Variants in SLC5A4 observed in about 807,000 individuals in gnomAD.
SLC5A4 encodes the protein probable glucose sensor protein SLC5A4.
Under a neutral mutation model 70.3 loss-of-function variants are expected in SLC5A4, and 55 were observed. The observed-to-expected ratio is 0.78, with a 90% CI of 0.63 to 0.98. SLC5A4 has a LOEUF of 0.98. Among genes scored for constraint, SLC5A4 ranks in the 50% least tolerant of loss-of-function variants. SLC5A4 has a pLI of 0.00. For synonymous variants in SLC5A4, 268 were observed against 305.7 expected (o/e 0.88, Z 1.29); for missense variants, 735 against 839.2 (o/e 0.88, Z 1.53).
intron 11 of SLC5A4, among the ~76,000 whole-genome samples, chr22:32,228,307 G>A (rs558573061): frequency 1.1e-4 from 16 of 149,886 alleles, no homozygotes; most frequent in African/African-American, 3.8e-4. Context: ...TTGGGAGGCC[G>A]AGGAGAATGG....
the SLC5A4 span, among the ~76,000 whole-genome samples, chr22:32,342,332 A>T: frequency 6.6e-6 from 1 of 152,212 alleles, no homozygotes; most frequent in East Asian, 1.9e-4. Flanking sequence ...AACCACACAG[A>T]ATAAAATCTG....
At chr22:32,272,228 T>C in the SLC5A4 span, 1 of 776,300 alleles carries the variant, frequency 1.3e-6, no homozygotes, top group Non-Finnish European at 2.4e-6. Flanking sequence ...TGATCATGGA[T>C]GTGACTGAGG....
chr22:32,291,857 T>C, the SLC5A4 span, among the ~76,000 whole-genome samples: 3 of 142,472 alleles, frequency 2.1e-5, no homozygotes, highest in African/African-American at 7.7e-5. Flanking sequence ...TGTATATATA[T>C]AATTTATTTT....
In SLC5A4 at chr22:32,240,388, T is replaced by A. The variant is rs187700835; in HGVS notation, c.478-1298A>T. On this transcript the variant is annotated intron_variant, in intron 5 of 14. Coordinates refer to ENST00000266086, the MANE Select transcript of SLC5A4 (RefSeq NM_014227.3). ...ATCTACACTGTTTGGCTCAGCATAA[T>A]TAACATGAATAATTCAGGACAATTT... Among the ~76,000 whole-genome samples the A allele has an allele frequency of 1.1e-4, 17 of 152,282 alleles. No homozygotes were observed. The East Asian group carries it at 2.3e-3, about 21-fold the overall frequency.
At chr22:32,308,970 AC>A in the SLC5A4 span, among the ~76,000 whole-genome samples, 1 of 151,838 alleles carries the variant, frequency 6.6e-6, no homozygotes, top group South Asian at 2.1e-4. Flanking sequence ...AGACAGTCTC[AC>A]TCTGTCGCCC....
the SLC5A4 span, among the ~76,000 whole-genome samples, chr22:32,306,114 C>G: frequency 6.6e-6 from 1 of 152,140 alleles, no homozygotes; most frequent in Non-Finnish European, 1.5e-5. Flanking sequence ...AAACGTCAAT[C>G]TAGGGAACAG....
the SLC5A4 span, among the ~76,000 whole-genome samples, chr22:32,344,542 T>A: frequency 6.6e-6 from 1 of 152,228 alleles, no homozygotes; most frequent in Non-Finnish European, 1.5e-5. Context: ...ATGCTTTCAA[T>A]ATTAAATCCA....
the SLC5A4 span, among the ~76,000 whole-genome samples, chr22:32,307,800 C>T: frequency 3.3e-5 from 5 of 152,312 alleles, no homozygotes; most frequent in African/African-American, 1.2e-4. Context: ...TCCTGGACTG[C>T]AAAGGGCAGT....
At chr22:32,257,218 T>G (rs547080855), upstream of SLC5A4, among the ~76,000 whole-genome samples, 2 of 152,354 alleles carry the variant, frequency 1.3e-5, no homozygotes, top group South Asian at 4.1e-4. Context: ...TGGAGAGAGA[T>G]ATATTCAACT....
At chr22:32,257,913 T>C (rs968533602), upstream of SLC5A4, among the ~76,000 whole-genome samples, 9 of 150,644 alleles carry the variant, frequency 6.0e-5, no homozygotes, top group Admixed American at 6.6e-5. Flanking sequence ...CAGGTAATTC[T>C]CCCGCCTTGG....
the SLC5A4 span, among the ~76,000 whole-genome samples, chr22:32,281,261 G>T: frequency 6.6e-6 from 1 of 152,188 alleles, no homozygotes; most frequent in Non-Finnish European, 1.5e-5. Context: ...GGGAAGGTGG[G>T]ACGTCCAGCT....
upstream of SLC5A4, among the ~76,000 whole-genome samples, chr22:32,260,278 A>G (rs1403801789): frequency 6.6e-6 from 1 of 152,086 alleles, no homozygotes; most frequent in Admixed American, 6.5e-5. Context: ...GGGTGCTTAC[A>G]TTCAGTCACA....
At chr22:32,306,041 C>CCCTACAGAATGACAAATTATGTGGG in the SLC5A4 span, among the ~76,000 whole-genome samples, 24 of 152,306 alleles carry the variant, frequency 1.6e-4, no homozygotes, top group East Asian at 4.4e-3. Context: ...CTCCATCCTC[C>CCCTACAGAATGACAAATTATGTGGG]CCTACAGAAT....
chr22:32,330,921 G>GCTGTGGGTTGTAT, the SLC5A4 span, among the ~76,000 whole-genome samples: 14 of 108,826 alleles, frequency 1.3e-4, no homozygotes, highest in East Asian at 5.9e-4. Flanking sequence ...GTGTGTTGGA[G>GCTGTGGGTTGTAT]GCCTCTGGTG....
chr22:32,260,508 C>CAAAAAA, the SLC5A4 span, among the ~76,000 whole-genome samples: 36 of 124,962 alleles, frequency 2.9e-4, no homozygotes, highest in South Asian at 7.5e-3. Flanking sequence ...ATTTTGGTGA[C>CAAAAAA]AAAAAAAAAA....
rs1467333709 is a variant in SLC5A4, at chr22:32,229,312, C to G, written c.1162G>C (p.Ala388Pro). The change falls in exon 11 of 15, where the codon GCC becomes CCC. Residue 388 changes from alanine (A) to proline (P), a missense_variant. Physicochemically the swap from Ala to Pro is conservative, Grantham distance 27 (BLOSUM62 -1). Transcript: ENST00000266086. The part of the protein sequence containing the change: ...LRGLMLSVML[A>P]SLMSSLTSIF... ...GAGGTCAGGGAGCTCATGAGAGAGG[C>G]CAGCATGACCGAAAGCATCAGGCCT... is the stretch of plus-strand genomic sequence containing the variant. 3 of 1,614,030 alleles carry G rather than the reference C, an allele frequency of 1.9e-6. No homozygotes were observed. The Admixed American group carries it at 5.0e-5, about 27-fold the overall frequency.
the SLC5A4 span, among the ~76,000 whole-genome samples, chr22:32,353,598 G>A: frequency 3.3e-5 from 5 of 152,044 alleles, no homozygotes; most frequent in African/African-American, 1.2e-4. Flanking sequence ...GCCCCCAACA[G>A]CACCCCTAAC....
At chr22:32,347,935 C>T in the SLC5A4 span, among the ~76,000 whole-genome samples, 5 of 151,858 alleles carry the variant, frequency 3.3e-5, no homozygotes, top group East Asian at 1.9e-4. Context: ...TATTAAAAAA[C>T]GGTTCAATTT....
intron 5 of SLC5A4, among the ~76,000 whole-genome samples, chr22:32,246,905 T>TA (rs1926863013): frequency 1.3e-5 from 2 of 152,260 alleles, no homozygotes; most frequent in African/African-American, 4.8e-5. Flanking sequence ...ACATATGTCT[T>TA]ACCATGGTGG....
Sources: gnomAD v4.1 joint callset for allele counts (sites outside exome capture counted in the v4.1 genomes callset) on GRCh38, gnomAD v4.1.1 for gene constraint, MANE v1.5 for transcripts, NCBI Gene and HGNC (gene_info 2026-07-23, HGNC 2026-07-21) for gene names.